The following CSGALNACT1 variants were observed in gnomAD, a reference collection of about 807,000 sequenced individuals.
CSGALNACT1 encodes chondroitin sulfate N-acetylgalactosaminyltransferase 1.
Under a neutral mutation model 51.0 loss-of-function variants are expected in CSGALNACT1, and 52 were observed. The observed-to-expected ratio is 1.02, with a 90% CI of 0.82 to 1.29. CSGALNACT1 has a LOEUF of 1.29. CSGALNACT1 is among the 50% of genes most tolerant of loss of function. The pLI is 0.00. For synonymous variants in CSGALNACT1, 341 were observed against 254.4 expected (o/e 1.34, Z -3.24); for missense variants, 935 against 679.2 (o/e 1.38, Z -4.19).
intron 9 of CSGALNACT1, among the ~76,000 whole-genome samples, chr8:19,406,991 G>A (rs1252641030): frequency 6.6e-6 from 1 of 152,236 alleles, no homozygotes; most frequent in African/African-American, 2.4e-5. Context: ...ATACAGGCAT[G>A]AGCCACCACG....
intron 3 of CSGALNACT1, among the ~76,000 whole-genome samples, chr8:19,520,258 CT>C (rs1387220369): frequency 8.4e-4 from 128 of 152,310 alleles, no homozygotes; most frequent in African/African-American, 2.9e-3. Context: ...CAAGGCTTCT[CT>C]CTTTGTGCCA....
At chr8:19,662,805 G>C (rs1299954090) in intron 1 of CSGALNACT1, among the ~76,000 whole-genome samples, 1 of 152,170 alleles carries the variant, frequency 6.6e-6, no homozygotes, top group East Asian at 1.9e-4. Flanking sequence ...TGGAGAGACA[G>C]CACACCCATC....
At chr8:19,454,691 C>T (rs2063765901) in intron 5 of CSGALNACT1, among the ~76,000 whole-genome samples, 1 of 151,870 alleles carries the variant, frequency 6.6e-6, no homozygotes, top group South Asian at 2.1e-4. Context: ...TAAATGATTG[C>T]TAACAAAAAT....
At chr8:19,621,007 G>T (rs2053757643) in intron 1 of CSGALNACT1, among the ~76,000 whole-genome samples, 1 of 152,192 alleles carries the variant, frequency 6.6e-6, no homozygotes, top group Non-Finnish European at 1.5e-5. Flanking sequence ...TAAAAATGTT[G>T]TGAGAAGTTA....
At chr8:19,443,925 C>G (rs571651448) in intron 5 of CSGALNACT1, among the ~76,000 whole-genome samples, 20 of 152,226 alleles carry the variant, frequency 1.3e-4, no homozygotes, top group Non-Finnish European at 2.4e-4. Flanking sequence ...TGAAACTGTT[C>G]CATCTCAGAT....
At chr8:19,614,674 A>T (rs1285708018) in intron 1 of CSGALNACT1, among the ~76,000 whole-genome samples, 2 of 152,160 alleles carry the variant, frequency 1.3e-5, no homozygotes, top group Non-Finnish European at 2.9e-5. Context: ...GAAGTTATTC[A>T]AATAGGTGTT....
At chr8:19,566,808 C>A (rs892290607) in intron 3 of CSGALNACT1, among the ~76,000 whole-genome samples, 6 of 152,166 alleles carry the variant, frequency 3.9e-5, no homozygotes, top group Non-Finnish European at 8.8e-5. Context: ...CAACAGGCTA[C>A]CCCTCAACGA....
intron 4 of CSGALNACT1, among the ~76,000 whole-genome samples, chr8:19,461,594 TCCGCACAGCGGCCACATTCACCATGGGG>T: frequency 6.2e-5 from 8 of 129,392 alleles, no homozygotes; most frequent in African/African-American, 1.6e-4. Flanking sequence ...GGGGGGCGTA[TCCGCACAGCGGCCACATTCACCATGGGG>T]GGCGTATCCG....
At chr8:19,459,877 CTG>C (rs1251347432) in intron 4 of CSGALNACT1, among the ~76,000 whole-genome samples, 1 of 152,150 alleles carries the variant, frequency 6.6e-6, no homozygotes, top group Non-Finnish European at 1.5e-5. Context: ...ACCGTGCAAA[CTG>C]TGTCTCATCC....
intron 3 of CSGALNACT1, among the ~76,000 whole-genome samples, chr8:19,526,943 G>A (rs1490943446): frequency 1.3e-5 from 2 of 152,140 alleles, no homozygotes; most frequent in Non-Finnish European, 2.9e-5. Flanking sequence ...CAGTACCTAC[G>A]TTAAATGCTA....
chr8:19,419,162 T>A (rs2057457248), intron 7 of CSGALNACT1, among the ~76,000 whole-genome samples: 1 of 152,172 alleles, frequency 6.6e-6, no homozygotes, highest in Non-Finnish European at 1.5e-5. Flanking sequence ...CACTTTTCCT[T>A]TTCCCTTGAC....
chr8:19,671,006 G>C (rs568051477), intron 1 of CSGALNACT1, among the ~76,000 whole-genome samples: 2 of 152,144 alleles, frequency 1.3e-5, no homozygotes, highest in African/African-American at 4.8e-5. Context: ...GACATTAGAC[G>C]AAAACAAAAT....
intron 1 of CSGALNACT1, among the ~76,000 whole-genome samples, chr8:19,710,824 C>G (rs2062460473): frequency 6.6e-6 from 1 of 152,194 alleles, no homozygotes; most frequent in South Asian, 2.1e-4. Flanking sequence ...TATATTTATA[C>G]ATGAAGGCCA....
chr8:19,505,676 C>G lies in CSGALNACT1; in HGVS notation c.159G>C (p.Gly53=), dbSNP rs768785524. The change falls in exon 4 of 10, where the codon GGG becomes GGC. Residue 53 remains glycine (G), a synonymous_variant. Coordinates refer to ENST00000454498, the Ensembl canonical transcript of CSGALNACT1. ...GAAGGACGGCCTGGTACCCCTCCTT[C>G]CCCGTGGGGCTGTTGGCCCTGGGCA... The G allele has an allele frequency of 8.7e-6, 14 of 1,614,066 alleles. No homozygotes were observed. Among genetic ancestry groups the G allele is most frequent in the Middle Eastern group, 1.6e-4 (1 of 6,084 alleles).
chr8:19,428,357 C>A (rs574616398), intron 6 of CSGALNACT1, among the ~76,000 whole-genome samples: 23 of 152,224 alleles, frequency 1.5e-4, no homozygotes, highest in Admixed American at 7.2e-4. Context: ...AGAAGAGGAG[C>A]AAAGTCACAT....
Position 19,489,035 on chromosome 8 carries a change from G to A in CSGALNACT1, c.634+16166C>T, listed in dbSNP as rs1009507145. On this transcript the variant is annotated intron_variant, in intron 4 of 9. Transcript: ENST00000454498. ...GGCCCCCATTTGAAGGGCAAAAGAT[G>A]TATCTCCTACAGGTAGAAAATGGAG... Among the ~76,000 whole-genome samples, 7 of 152,282 alleles carry A rather than the reference G, an allele frequency of 4.6e-5. No homozygotes were observed. In the South Asian group the frequency reaches 1.2e-3, roughly 27 times the overall value.
At chr8:19,672,283 G>T (rs1038209523) in intron 1 of CSGALNACT1, among the ~76,000 whole-genome samples, 5 of 152,136 alleles carry the variant, frequency 3.3e-5, no homozygotes, top group Admixed American at 1.3e-4. Context: ...CTCTTCCTTA[G>T]ACGCCTAACA....
At chr8:19,508,788 T>C (rs938769837) in intron 3 of CSGALNACT1, among the ~76,000 whole-genome samples, 1 of 152,224 alleles carries the variant, frequency 6.6e-6, no homozygotes, top group Non-Finnish European at 1.5e-5. Flanking sequence ...TCTAATAAAA[T>C]GGTTGTATTT....
intron 4 of CSGALNACT1, among the ~76,000 whole-genome samples, chr8:19,475,318 A>G (rs1371938138): frequency 1.3e-5 from 2 of 152,336 alleles, no homozygotes; most frequent in Admixed American, 1.3e-4. Context: ...TGTGAGTCAC[A>G]TAAGGAGGTC....
Sources: gnomAD v4.1 joint callset for allele counts (sites outside exome capture counted in the v4.1 genomes callset) on GRCh38, gnomAD v4.1.1 for gene constraint, MANE v1.5 for transcripts, NCBI Gene and HGNC (gene_info 2026-07-23, HGNC 2026-07-21) for gene names.